Variants in CPN1 observed in about 807,000 individuals in gnomAD.
CPN1 encodes the protein carboxypeptidase N catalytic chain.
A neutral mutation model predicts 46.4 loss-of-function variants in CPN1; 37 were observed. That is an observed-to-expected ratio of 0.80 (90% CI 0.61 to 1.05). The LOEUF is 1.05. Among genes scored for constraint, CPN1 ranks in the 50% least tolerant of loss-of-function variants. The probability of loss-of-function intolerance (pLI) is 0.00; values close to 1 mark genes in which losing one functional copy is unlikely to be tolerated. For synonymous variants in CPN1, 224 were observed against 235.4 expected (o/e 0.95, Z 0.44); for missense variants, 563 against 602.6 (o/e 0.93, Z 0.69).
At position 100,048,761 on chromosome 10, in the gene CPN1, C is replaced by G. The variant is rs1440201476; in HGVS notation, c.1227G>C (p.Thr409=). The G allele has an allele frequency of 2.5e-6, 4 of 1,609,750 alleles. No individual in the cohort carries two copies. The highest frequency in any genetic ancestry group is 3.4e-6 in the Non-Finnish European group (4 of 1,176,376). The change falls in exon 8 of 9, where the codon ACG becomes ACC. Residue 409 remains threonine, a synonymous_variant. Transcript: ENST00000370418. ...CGTCAAGCTCAGCCTAACTCACCAA[C>G]GTTGGTTCCGCAGGACCCACGGTCA... ...VTVTVGPAEP[T]LVNFHLKRSI...
In CPN1 at chr10:100,057,055, C is replaced by T. The variant is rs2041388184; in HGVS notation, c.969G>A (p.Glu323=). ...TTAGGGCTTCCCGATTACCCAGCCA[C>T]TCCCGCTGTAACTCCTCTTCGGGGG... is the stretch of plus-strand genomic sequence containing the variant. The part of the protein sequence containing the change: ...KFPPEEELQR[E]WLGNREALIQ... Residue 323 remains glutamate (E), a synonymous_variant, in exon 6 of 9, where the codon GAG becomes GAA. Coordinates refer to ENST00000370418, the MANE Select transcript of CPN1 (RefSeq NM_001308.3). 1.9e-6 allele frequency: 3 copies of T among 1,614,088 alleles called. No homozygotes were observed. Among genetic ancestry groups the T allele is most frequent in the African/African-American group, 1.3e-5 (1 of 74,932 alleles).
At chr10:100,074,722 C>G (rs2041504676) in intron 2 of CPN1, among the ~76,000 whole-genome samples, 1 of 151,980 alleles carries the variant, frequency 6.6e-6, no homozygotes, top group Admixed American at 6.6e-5. Context: ...CGGCCGAAAA[C>G]CCTGCCTTTT....
chr10:100,080,177 TG>T (rs1315038736), intron 1 of CPN1, among the ~76,000 whole-genome samples: 2 of 151,774 alleles, frequency 1.3e-5, no homozygotes, highest in African/African-American at 2.4e-5. Context: ...GGGCAGGGGA[TG>T]TGGAAGCGAA....
Position 100,048,937 on chromosome 10 carries a change from G to C in CPN1, c.1112-61C>G, listed in dbSNP as rs74152939. 11,879 of 1,330,554 alleles carry C rather than the reference G, an allele frequency of 8.9e-3. 709 individuals carry two copies. The African/African-American group carries it at 0.14, about 16-fold the overall frequency. 82.4% of individuals were successfully genotyped at this position (1,330,554 alleles called of 1,614,324 possible). A position where few individuals can be genotyped will look rare whatever the true frequency, so the allele number is the denominator to read the frequency against. ...TAAAAATCTGTCCCAAATAAGCTAG[G>C]GTTTTTATCTGACTACAAGGTTGGC... On this transcript the variant is annotated intron_variant, in intron 7 of 8. Coordinates refer to ENST00000370418, the MANE Select transcript of CPN1 (RefSeq NM_001308.3).
intron 1 of CPN1, among the ~76,000 whole-genome samples, chr10:100,076,492 A>T (rs1317543281): frequency 2.6e-5 from 4 of 152,248 alleles, no homozygotes; most frequent in African/African-American, 9.6e-5. Flanking sequence ...CCCAGGTGGC[A>T]CTTACAGTGC....
chr10:100,043,608 T>A (rs1342387152), intron 8 of CPN1, among the ~76,000 whole-genome samples: 2 of 152,036 alleles, frequency 1.3e-5, no homozygotes, highest in African/African-American at 4.8e-5. Context: ...TTGTTTGACT[T>A]CAAAGATAGT....
chr10:100,042,368 T>A lies in CPN1; in HGVS notation c.*59A>T. On this transcript the variant is annotated 3_prime_UTR_variant, in exon 9 of 9. Coordinates refer to ENST00000370418, the MANE Select transcript of CPN1 (RefSeq NM_001308.3). ...CAGATAATAAAATAGAAAGAATGCT[T>A]GATCTGATCTGAGAGCAGGAGCAAA... 6.9e-6 allele frequency: 11 copies of A among 1,601,376 alleles called. No individual in the cohort carries two copies. The highest frequency in any genetic ancestry group is 9.4e-6 in the Non-Finnish European group (11 of 1,170,336).
chr10:100,059,558 GA>G (rs1311435959), intron 5 of CPN1, among the ~76,000 whole-genome samples: 1 of 137,484 alleles, frequency 7.3e-6, no homozygotes, highest in Non-Finnish European at 1.5e-5. Context: ...ACTACTGTGA[GA>G]TATTACCTTG....
intron 6 of CPN1, among the ~76,000 whole-genome samples, 169 bp downstream of exon 6, chr10:100,056,844 G>A (rs921731061): frequency 5.9e-5 from 9 of 151,922 alleles, no homozygotes; most frequent in Non-Finnish European, 7.4e-5. Context: ...GAACCACTGC[G>A]TTCAGCTGCT....
intron 1 of CPN1, among the ~76,000 whole-genome samples, chr10:100,080,413 A>G (rs557126624): frequency 6.6e-6 from 1 of 152,324 alleles, no homozygotes; most frequent in South Asian, 2.1e-4. Flanking sequence ...ATACAATTTC[A>G]TTTTTATAGA....
At position 100,042,338 on chromosome 10, in the gene CPN1, T is replaced by C. The variant is rs45546135; in HGVS notation, c.*89A>G. ...TTCTGAATATGTTTGTATTTAAATATGTCCCAGATAATAAAATAGAAAGAA... is the reference window on the plus strand; with the variant it reads ...TTCTGAATATGTTTGTATTTAAATACGTCCCAGATAATAAAATAGAAAGAA... On this transcript the variant is annotated 3_prime_UTR_variant, in exon 9 of 9. Coordinates refer to ENST00000370418, the MANE Select transcript of CPN1 (RefSeq NM_001308.3). 4.2e-3 allele frequency: 6,383 copies of C among 1,516,314 alleles called. 121 individuals carry two copies. The Middle Eastern group carries it at 0.045, about 11-fold the overall frequency. The allele number at this position is 1,516,314 out of a possible 1,614,324, so 93.9% of individuals were successfully genotyped here. A position where few individuals can be genotyped will look rare whatever the true frequency, so the allele number is the denominator to read the frequency against.
At chr10:100,061,833 C>T (rs1295700137) in intron 5 of CPN1, among the ~76,000 whole-genome samples, 1 of 152,084 alleles carries the variant, frequency 6.6e-6, no homozygotes, top group African/African-American at 2.4e-5. Flanking sequence ...TTTAAAATTA[C>T]GGATGTATTT....
chr10:100,072,418 A>C (rs993799349), intron 2 of CPN1, among the ~76,000 whole-genome samples: 22 of 152,076 alleles, frequency 1.4e-4, no homozygotes, highest in Non-Finnish European at 1.3e-4. Flanking sequence ...CAAGTGATCC[A>C]CCCACCTCCC....
intron 8 of CPN1, among the ~76,000 whole-genome samples, chr10:100,047,867 C>T (rs2041324161): frequency 1.3e-5 from 2 of 152,172 alleles, no homozygotes; most frequent in African/African-American, 4.8e-5. Flanking sequence ...TGGCACATGC[C>T]TGTAATCCCA....
chr10:100,063,799 G>A (rs1449200422), intron 4 of CPN1, 74 bp from the exon 5 acceptor site: 1 of 1,140,554 alleles, frequency 8.8e-7, no homozygotes, highest in Non-Finnish European at 1.3e-6. Flanking sequence ...TCACAACTAG[G>A]TTGAAGCCAA....
chr10:100,064,374 A>G (rs2041439925), intron 4 of CPN1, among the ~76,000 whole-genome samples: 1 of 148,776 alleles, frequency 6.7e-6, no homozygotes, highest in Non-Finnish European at 1.5e-5. Context: ...ATATATTAAT[A>G]TATTAGTATA....
chr10:100,061,545 C>T (rs748939183), intron 5 of CPN1, among the ~76,000 whole-genome samples: 1 of 152,102 alleles, frequency 6.6e-6, no homozygotes, highest in African/African-American at 2.4e-5. Context: ...CTAGTAAGTT[C>T]CCAGCTCATG....
At chr10:100,060,063 G>C (rs2041408056) in intron 5 of CPN1, among the ~76,000 whole-genome samples, 1 of 152,138 alleles carries the variant, frequency 6.6e-6, no homozygotes, top group Admixed American at 6.5e-5. Context: ...ACAAAAAGTA[G>C]AATGGTGGTT....
In CPN1 at chr10:100,076,197, A is replaced by C. The variant is rs548844812; in HGVS notation, c.224-90T>G. 6 of 1,226,274 alleles carry C rather than the reference A, an allele frequency of 4.9e-6. No homozygotes were observed. In the East Asian group the frequency reaches 1.4e-4, roughly 29 times the overall value. 76.0% of individuals were successfully genotyped at this position (1,226,274 alleles called of 1,614,324 possible). A position where few individuals can be genotyped will look rare whatever the true frequency, so the allele number is the denominator to read the frequency against. On this transcript the variant is annotated intron_variant, in intron 1 of 8. Transcript: ENST00000370418. ...ACCTTTTTTCTCTTTTTCAGTAACG[A>C]ATGAAAGAAAATCTCATGCTTTCAT...
Sources: allele counts gnomAD v4.1 joint callset (sites outside exome capture counted in the v4.1 genomes callset), GRCh38; gene constraint gnomAD v4.1.1; transcripts MANE v1.5; gene names NCBI Gene and HGNC (gene_info 2026-07-23, HGNC 2026-07-21).